The following KCNC2 variants were observed in gnomAD, a reference collection of about 807,000 sequenced individuals.
The protein encoded by KCNC2 is voltage-gated potassium channel KCNC2.
In KCNC2, 21 loss-of-function variants were observed where a neutral mutation model predicts 44.5. The ratio of observed to expected loss-of-function variants is 0.47; its 90% CI spans 0.33 to 0.68. The LOEUF (loss-of-function observed/expected upper bound fraction) is 0.68. Ranked by LOEUF, KCNC2 falls within the 30% of genes least tolerant of loss-of-function variation. The pLI, the probability that KCNC2 is intolerant of heterozygous loss-of-function variation, is 0.01. For missense variants in KCNC2, 589 were observed against 826.2 expected, an observed-to-expected ratio of 0.71 and a Z score of 3.52; for synonymous variants, 391 against 339.1, an observed-to-expected ratio of 1.15 and a Z score of -1.68.
chr12:75,103,689 T>C (rs1346340265), intron 2 of KCNC2, among the ~76,000 whole-genome samples: 2 of 152,136 alleles, frequency 1.3e-5, no homozygotes, highest in Non-Finnish European at 2.9e-5. Context: ...GGGGGATATG[T>C]TCCAAGACTC....
chr12:75,090,219 TTC>T (rs1885355879), intron 2 of KCNC2, among the ~76,000 whole-genome samples: 1 of 151,810 alleles, frequency 6.6e-6, no homozygotes, highest in Admixed American at 6.6e-5. Context: ...TCTCCAAAGC[TTC>T]TGTTTTCTTG....
chr12:75,142,384 A>G (rs1047226954), intron 2 of KCNC2, among the ~76,000 whole-genome samples: 3 of 152,220 alleles, frequency 2.0e-5, no homozygotes, highest in Non-Finnish European at 2.9e-5. Flanking sequence ...AAAATAAAAT[A>G]ATAATAAAAA....
intron 2 of KCNC2, among the ~76,000 whole-genome samples, chr12:75,109,113 T>C (rs1246278278): frequency 6.6e-6 from 1 of 152,198 alleles, no homozygotes; most frequent in African/African-American, 2.4e-5. Flanking sequence ...AACAGGACAC[T>C]TGCTATATAT....
At chr12:75,070,308 A>G (rs7304632) in intron 2 of KCNC2, among the ~76,000 whole-genome samples, 135,653 of 151,992 alleles carry the variant, frequency 0.89, 60,582 homozygotes, top group Admixed American at 0.92. Context: ...AAAATTAGCC[A>G]GTCATGGTGG....
intron 2 of KCNC2, among the ~76,000 whole-genome samples, chr12:75,117,126 G>T (rs1001583457): frequency 1.3e-5 from 2 of 152,014 alleles, no homozygotes; most frequent in African/African-American, 2.4e-5. Context: ...CAAAAAGAAA[G>T]AAATAACTTC....
At chr12:75,071,215 C>T (rs1883365918) in intron 2 of KCNC2, among the ~76,000 whole-genome samples, 1 of 152,012 alleles carries the variant, frequency 6.6e-6, no homozygotes, top group Admixed American at 6.5e-5. Flanking sequence ...ATGCAAAAGG[C>T]ATTACATAAT....
At chr12:75,183,896 T>C (rs1483879298) in intron 2 of KCNC2, among the ~76,000 whole-genome samples, 1 of 152,168 alleles carries the variant, frequency 6.6e-6, no homozygotes, top group Non-Finnish European at 1.5e-5. Flanking sequence ...CACTTCTCTT[T>C]CCATTCCACC....
chr12:75,149,689 A>G (rs1890257713), intron 2 of KCNC2, among the ~76,000 whole-genome samples: 1 of 151,836 alleles, frequency 6.6e-6, no homozygotes, highest in Non-Finnish European at 1.5e-5. Flanking sequence ...TGTGCCCCAG[A>G]ATTTAAAGTA....
intron 2 of KCNC2, among the ~76,000 whole-genome samples, chr12:75,141,052 T>G (rs1889617706): frequency 6.6e-6 from 1 of 152,234 alleles, no homozygotes; most frequent in Non-Finnish European, 1.5e-5. Flanking sequence ...GCTCTTGTCC[T>G]TAGGCAAACT....
intron 2 of KCNC2, among the ~76,000 whole-genome samples, chr12:75,159,431 A>G (rs1327422592): frequency 1.3e-5 from 2 of 151,924 alleles, no homozygotes; most frequent in East Asian, 3.9e-4. Context: ...AGCTTTGGAA[A>G]CAGTGTATGA....
intron 2 of KCNC2, among the ~76,000 whole-genome samples, chr12:75,153,962 G>A (rs1294473586): frequency 6.6e-6 from 1 of 151,808 alleles, no homozygotes; most frequent in Admixed American, 6.6e-5. Flanking sequence ...GGAGGCAGGA[G>A]AGGCAGGCAC....
intron 2 of KCNC2, among the ~76,000 whole-genome samples, chr12:75,114,376 A>G (rs961107631): frequency 6.6e-6 from 1 of 152,224 alleles, no homozygotes; most frequent in Non-Finnish European, 1.5e-5. Context: ...GTTTCCAAAC[A>G]TCTTGCAGGC....
At chr12:75,064,934 C>A (rs1882681309) in intron 2 of KCNC2, among the ~76,000 whole-genome samples, 1 of 151,962 alleles carries the variant, frequency 6.6e-6, no homozygotes, top group Non-Finnish European at 1.5e-5. Context: ...CATATACATT[C>A]TACTACATAT....
At chr12:75,168,882 G>C (rs1038330411) in intron 2 of KCNC2, among the ~76,000 whole-genome samples, 4 of 151,396 alleles carry the variant, frequency 2.6e-5, no homozygotes, top group Admixed American at 1.3e-4. Flanking sequence ...GAACTTTAAA[G>C]ACTCTCTTCC....
rs201629604 is a variant in KCNC2, at chr12:75,207,521, T to A, written c.463A>T (p.Thr155Ser). The change falls in exon 2 of 5, where the codon ACC (threonine) becomes TCC (serine). Residue 155 changes from threonine to serine, a missense_variant. This residue lies in a region of KCNC2 where 40 missense variants were observed against 102.0 expected (regional missense o/e 0.39). Coordinates refer to ENST00000549446, the MANE Select transcript of KCNC2 (RefSeq NM_139137.4). This position sits in a 1 kb window ranked among gnomAD's most constrained non-coding sequence, Gnocchi z 4.1. ...TCGGCGTCGCGGTGCTGCCGGTAGG[T>A]CATCCAGCAGCAGGGCTCCACGTCG... ...ETDVEPCCWMTYRQHRDAEEA... is the reference protein window; with the variant it reads ...ETDVEPCCWMSYRQHRDAEEA... The A allele has an allele frequency of 6.2e-7, 1 of 1,612,112 alleles. No homozygotes were observed. The highest frequency in any genetic ancestry group is 8.5e-7 in the Non-Finnish European group (1 of 1,179,796).
At chr12:75,124,383 G>T (rs1290206002) in intron 2 of KCNC2, among the ~76,000 whole-genome samples, 2 of 152,142 alleles carry the variant, frequency 1.3e-5, no homozygotes, top group African/African-American at 2.4e-5. Flanking sequence ...GGGATTTAAT[G>T]ATATAAAAAC....
At position 75,111,626 on chromosome 12, in the gene KCNC2, G is replaced by A. The variant is rs772130562; in HGVS notation, c.688-60309C>T. Reference sequence around the variant, plus strand: ...TGGTACCAATAATATATGAGTTTCTGCTGAAAATTGCCAAGTTTTGACATT... The same window carrying A: ...TGGTACCAATAATATATGAGTTTCTACTGAAAATTGCCAAGTTTTGACATT... On this transcript the variant is annotated intron_variant, in intron 2 of 4. Coordinates refer to ENST00000549446, the MANE Select transcript of KCNC2 (RefSeq NM_139137.4). Among the ~76,000 whole-genome samples the A allele has an allele frequency of 1.6e-4, 25 of 151,688 alleles. 1 individual carries two copies. Among genetic ancestry groups the A allele is most frequent in the Non-Finnish European group, 2.8e-4 (19 of 67,852 alleles).
chr12:75,091,313 T>G lies in KCNC2; in HGVS notation c.688-39996A>C, dbSNP rs550766965. Among the ~76,000 whole-genome samples, 14 of 151,844 alleles carry G rather than the reference T, an allele frequency of 9.2e-5. No individual in the cohort carries two copies. The East Asian group carries it at 2.7e-3, about 29-fold the overall frequency. On this transcript the variant is annotated intron_variant, in intron 2 of 4. Transcript: ENST00000549446. ...TTTTCAGCTCTTTGTGTGGCAACAGTGGTAGGACCAATATGTCATTGAAGT... is the reference window on the plus strand; with the variant it reads ...TTTTCAGCTCTTTGTGTGGCAACAGGGGTAGGACCAATATGTCATTGAAGT...
chr12:75,149,000 CAAA>C (rs202065772), intron 2 of KCNC2, among the ~76,000 whole-genome samples: 1 of 118,438 alleles, frequency 8.4e-6, no homozygotes. Flanking sequence ...GACTGATATA[CAAA>C]AAAAAAAAAA....
Sources: allele counts gnomAD v4.1 joint callset (sites outside exome capture counted in the v4.1 genomes callset), GRCh38; gene constraint gnomAD v4.1.1; regional missense constraint gnomAD v4.1.1; non-coding constraint Gnocchi (gnomAD v3.1); transcripts MANE v1.5; gene names NCBI Gene and HGNC (gene_info 2026-07-23, HGNC 2026-07-21).